The following NEDD4L variants were observed in gnomAD, a reference collection of about 807,000 sequenced individuals.
NEDD4L encodes the protein E3 ubiquitin-protein ligase NEDD4-like.
In NEDD4L, 54 loss-of-function variants were observed where a neutral mutation model predicts 148.9. That is an observed-to-expected ratio of 0.36 (90% CI 0.29 to 0.45). NEDD4L has a LOEUF of 0.45. Among genes scored for constraint, NEDD4L ranks in the 20% least tolerant of loss-of-function variants. The pLI, the probability that NEDD4L is intolerant of heterozygous loss-of-function variation, is 1.00. For missense variants in NEDD4L, 856 were observed against 1,233.8 expected (o/e 0.69, Z 4.59); for synonymous variants, 433 against 440.7 (o/e 0.98, Z 0.22).
chr18:58,077,114 G>T (rs1451882688), intron 1 of NEDD4L, among the ~76,000 whole-genome samples: 1 of 141,836 alleles, frequency 7.1e-6, no homozygotes, highest in East Asian at 2.3e-4. Flanking sequence ...GCCTCCCAAA[G>T]TGCTGGGATT....
intron 1 of NEDD4L, among the ~76,000 whole-genome samples, chr18:58,154,846 C>T (rs1164736373): frequency 6.6e-6 from 1 of 152,060 alleles, no homozygotes; most frequent in African/African-American, 2.4e-5. Flanking sequence ...TTTATGAGCA[C>T]CTCTTAATGT....
intron 29 of NEDD4L, among the ~76,000 whole-genome samples, chr18:58,391,220 G>A (rs1182498921): frequency 6.6e-6 from 1 of 152,164 alleles, no homozygotes; most frequent in African/African-American, 2.4e-5. Context: ...CTGAGAGGCT[G>A]TAGCTGCCTG....
intron 18 of NEDD4L, among the ~76,000 whole-genome samples, chr18:58,351,766 T>C (rs1432879564): frequency 6.6e-6 from 1 of 152,190 alleles, no homozygotes; most frequent in Non-Finnish European, 1.5e-5. Context: ...TTCAAATAGA[T>C]GTAAAGTTTC....
chr18:58,138,453 C>T (rs545931356), intron 1 of NEDD4L, among the ~76,000 whole-genome samples: 14 of 144,348 alleles, frequency 9.7e-5, no homozygotes, highest in Non-Finnish European at 1.5e-4. Flanking sequence ...TCAGGTATGG[C>T]CTGAAAGACA....
intron 5 of NEDD4L, 108 bp downstream of exon 5, chr18:58,252,162 T>C (rs2048016001): frequency 2.7e-6 from 2 of 742,412 alleles, no homozygotes; most frequent in African/African-American, 3.5e-5. Flanking sequence ...ACAGTATATG[T>C]GCCCAAAAAG....
chr18:58,152,414 A>G (rs1286528801), intron 1 of NEDD4L, among the ~76,000 whole-genome samples: 1 of 152,228 alleles, frequency 6.6e-6, no homozygotes, highest in African/African-American at 2.4e-5. Flanking sequence ...GGAGATCTAC[A>G]GATACGGATC....
chr18:58,297,167 T>C (rs1482403457), intron 5 of NEDD4L, among the ~76,000 whole-genome samples: 1 of 152,220 alleles, frequency 6.6e-6, no homozygotes, highest in African/African-American at 2.4e-5. Context: ...TCTGAGGACC[T>C]TTCATTTAAT....
intron 2 of NEDD4L, among the ~76,000 whole-genome samples, chr18:58,205,920 G>C (rs536709396): frequency 6.6e-6 from 1 of 152,126 alleles, no homozygotes; most frequent in Non-Finnish European, 1.5e-5. Flanking sequence ...CAGAATCCTA[G>C]TGTCCTTGTG....
At chr18:58,094,408 A>G (rs2084256344) in intron 1 of NEDD4L, among the ~76,000 whole-genome samples, 1 of 151,774 alleles carries the variant, frequency 6.6e-6, no homozygotes, top group Admixed American at 6.6e-5. Flanking sequence ...GCTGGTCTCG[A>G]GCTCCCGGGC....
In NEDD4L at chr18:58,322,499, G is replaced by A; in HGVS notation, c.410+13G>A. On this transcript the variant is annotated intron_variant, in intron 7 of 30. Transcript: ENST00000400345. Reference sequence around the variant, plus strand: ...TCAGACCAAGAAGGTGAGGCTTGTGGGTATGGGTGGGTGGGGATGCCTGCC... The same window carrying A: ...TCAGACCAAGAAGGTGAGGCTTGTGAGTATGGGTGGGTGGGGATGCCTGCC... The A allele has an allele frequency of 1.5e-6, 2 of 1,310,874 alleles. No individual in the cohort carries two copies. Among genetic ancestry groups the A allele is most frequent in the Non-Finnish European group, 2.2e-6 (2 of 914,384 alleles). 81.2% of individuals were successfully genotyped at this position (1,310,874 alleles called of 1,614,324 possible).
intron 5 of NEDD4L, among the ~76,000 whole-genome samples, chr18:58,294,691 T>A (rs953974878): frequency 7.9e-5 from 12 of 151,940 alleles, no homozygotes; most frequent in African/African-American, 1.5e-4. Context: ...CTTTTTTTTT[T>A]AAGTTTTTGT....
At chr18:58,369,851 TC>T in intron 22 of NEDD4L, among the ~76,000 whole-genome samples, 1 of 152,302 alleles carries the variant, frequency 6.6e-6, no homozygotes, top group East Asian at 1.9e-4. Flanking sequence ...TCCGGGGCCT[TC>T]CCCATTTCCA....
intron 2 of NEDD4L, among the ~76,000 whole-genome samples, chr18:58,222,677 G>A (rs570832358): frequency 6.6e-5 from 10 of 152,108 alleles, no homozygotes; most frequent in Non-Finnish European, 1.3e-4. Context: ...TTAATGAGCC[G>A]GGTTACTTTC....
intron 5 of NEDD4L, among the ~76,000 whole-genome samples, chr18:58,312,536 C>CACTA (rs2057817045): frequency 6.6e-6 from 1 of 152,234 alleles, no homozygotes; most frequent in African/African-American, 2.4e-5. Flanking sequence ...GGATCCCACA[C>CACTA]ACTAGCACAC....
At position 58,061,703 on chromosome 18, in the gene NEDD4L, G is replaced by A. The variant is rs2082343524; in HGVS notation, c.48+16995G>A. Among the ~76,000 whole-genome samples the A allele has an allele frequency of 1.3e-5, 2 of 152,056 alleles. 1 individual carries two copies. The highest frequency in any genetic ancestry group is 1.3e-4 in the Admixed American group (2 of 15,252). On this transcript the variant is annotated intron_variant, in intron 1 of 30. Transcript: ENST00000400345. ...CTTTAAAATATACTGTTATAATTAAGGTAAAATGTAAAACTTATAACTTAA... is the reference window on the plus strand; with the variant it reads ...CTTTAAAATATACTGTTATAATTAAAGTAAAATGTAAAACTTATAACTTAA...
At chr18:58,229,744 C>A (rs1272214208) in intron 2 of NEDD4L, among the ~76,000 whole-genome samples, 1 of 152,102 alleles carries the variant, frequency 6.6e-6, no homozygotes, top group Non-Finnish European at 1.5e-5. Flanking sequence ...GTAAGCCCAA[C>A]ACTTTGGGAG....
chr18:58,210,965 C>A (rs1403007859), intron 2 of NEDD4L, among the ~76,000 whole-genome samples: 1 of 152,062 alleles, frequency 6.6e-6, no homozygotes, highest in East Asian at 1.9e-4. Flanking sequence ...AGTTGTTACA[C>A]AATCATATTG....
chr18:58,146,637 G>C (rs1417594744), intron 1 of NEDD4L, among the ~76,000 whole-genome samples: 1 of 152,166 alleles, frequency 6.6e-6, no homozygotes, highest in Non-Finnish European at 1.5e-5. Context: ...GCAGAGCCAA[G>C]CTTCAGTGTG....
At chr18:58,306,426 A>G (rs1400824063) in intron 5 of NEDD4L, among the ~76,000 whole-genome samples, 2 of 152,186 alleles carry the variant, frequency 1.3e-5, no homozygotes, top group Admixed American at 6.5e-5. Flanking sequence ...AGATTTGGCA[A>G]GCATAATCCA....
Sources: allele counts gnomAD v4.1 joint callset (sites outside exome capture counted in the v4.1 genomes callset), GRCh38; gene constraint gnomAD v4.1.1; transcripts MANE v1.5; gene names NCBI Gene and HGNC (gene_info 2026-07-23, HGNC 2026-07-21).